The following MON1B variants were observed in gnomAD, a reference collection of about 807,000 sequenced individuals.
MON1B encodes the protein MON1 vesicular trafficking associated B.
Under a neutral mutation model 45.1 loss-of-function variants are expected in MON1B, and 26 were observed. The observed-to-expected ratio is 0.58, with a 90% CI of 0.42 to 0.80. The LOEUF (loss-of-function observed/expected upper bound fraction) is 0.80, where lower values mean the gene tolerates loss of function less well. Among genes scored for constraint, MON1B ranks in the 30% least tolerant of loss-of-function variants. The probability of loss-of-function intolerance (pLI) is 0.00; values close to 1 mark genes in which losing one functional copy is unlikely to be tolerated. For synonymous variants in MON1B, 395 were observed against 320.2 expected, an observed-to-expected ratio of 1.23 and a Z score of -2.49; for missense variants, 737 against 754.5, an observed-to-expected ratio of 0.98 and a Z score of 0.27.
At position 77,199,837 on chromosome 16, in the gene MON1B, A is replaced by C. The variant is rs1452023317; in HGVS notation, c.*1529A>C. 1 of 222,972 alleles carries C rather than the reference A, an allele frequency of 4.5e-6. No homozygotes were observed. Among genetic ancestry groups the C allele is most frequent in the Non-Finnish European group, 8.8e-6 (1 of 114,026 alleles). The allele number at this position is 222,972 out of a possible 1,614,324, so 13.8% of individuals were successfully genotyped here. A position where few individuals can be genotyped will look rare whatever the true frequency, so the allele number is the denominator to read the frequency against. On this transcript the variant is annotated 3_prime_UTR_variant, in exon 6 of 6. Transcript: ENST00000248248. Reference sequence around the variant, plus strand: ...TCATAACAATCACCGTGCTGCAGCCACCCCTTATTAACAGTAATTCCCAGT... The same window carrying C: ...TCATAACAATCACCGTGCTGCAGCCCCCCCTTATTAACAGTAATTCCCAGT...
At chr16:77,196,998 C>T (rs774336275) in intron 5 of MON1B, among the ~76,000 whole-genome samples, 2 of 152,190 alleles carry the variant, frequency 1.3e-5, no homozygotes, top group Non-Finnish European at 1.5e-5. Flanking sequence ...GCACATCTTA[C>T]TTGACTTTCT....
At chr16:77,195,729 T>A (rs756424459) in intron 5 of MON1B, 47 bp downstream of exon 5, 1 of 1,604,318 alleles carries the variant, frequency 6.2e-7, no homozygotes, top group African/African-American at 1.3e-5. Context: ...ACTTCAAGCC[T>A]CCTTTCCCTA....
At position 77,195,528 on chromosome 16, in the gene MON1B, A is replaced by G. The variant is rs767214918; in HGVS notation, c.1296-7A>G. The G allele has an allele frequency of 1.2e-6, 2 of 1,609,846 alleles. No individual in the cohort carries two copies. Among genetic ancestry groups the G allele is most frequent in the Non-Finnish European group, 8.5e-7 (1 of 1,177,448 alleles). Reference sequence around the variant, plus strand: ...ACCTTGTCCTCCACCTCCCTCCATCATGGCAGCCCTGAGCTAGAGGCCCCC... The same window carrying G: ...ACCTTGTCCTCCACCTCCCTCCATCGTGGCAGCCCTGAGCTAGAGGCCCCC... On this transcript the variant is annotated splice_polypyrimidine_tract_variant and splice_region_variant and intron_variant, in intron 4 of 5. Transcript: ENST00000248248.
At position 77,194,899 on chromosome 16, in the gene MON1B, C is replaced by T; in HGVS notation, c.1040C>T (p.Pro347Leu). 6.2e-7 allele frequency: 1 copy of T among 1,613,266 alleles called. No individual in the cohort carries two copies. Among genetic ancestry groups the T allele is most frequent in the Non-Finnish European group, 8.5e-7 (1 of 1,180,032 alleles). ...TACGTGGCCCGCCTGGATGCTATGC[C>T]TGTCTGCCTGCTGCTGCTTGGCACC... Reference protein sequence around the residue: ...YAYVARLDAMPVCLLLLGTQR... With the variant: ...YAYVARLDAMLVCLLLLGTQR... Residue 347 changes from proline (P) to leucine (L), a missense_variant, in exon 4 of 6, where the codon CCT becomes CTT. Transcript: ENST00000248248. The surrounding 1 kb of genome is among the most constrained non-coding windows in gnomAD (Gnocchi z 8.1).
chr16:77,193,366 G>A lies in MON1B; in HGVS notation c.149-85G>A, dbSNP rs1269941910. On this transcript the variant is annotated intron_variant, in intron 2 of 5. Coordinates refer to ENST00000248248, the MANE Select transcript of MON1B (RefSeq NM_014940.4). This position sits in a 1 kb window ranked among gnomAD's most constrained non-coding sequence, Gnocchi z 5.0. ...GTCAGCATGCAGGGGTCATGGAGGG[G>A]CTAGTAGATATTTGGTGGGTCCTTG... 5 of 1,326,576 alleles carry A rather than the reference G, an allele frequency of 3.8e-6. No homozygotes were observed. The highest frequency in any genetic ancestry group is 2.3e-5 in the East Asian group (1 of 42,694). The allele number at this position is 1,326,576 out of a possible 1,614,324, so 82.2% of individuals were successfully genotyped here. A position where few individuals can be genotyped will look rare whatever the true frequency, so the allele number is the denominator to read the frequency against.
rs757905512 is a variant in MON1B at position 77,194,812 on chromosome 16, C to T, written c.953C>T (p.Ala318Val). Residue 318 changes from alanine to valine, a missense_variant, in exon 4 of 6, where the codon GCG becomes GTG. Coordinates refer to ENST00000248248, the MANE Select transcript of MON1B (RefSeq NM_014940.4). This position sits in a 1 kb window ranked among gnomAD's most constrained non-coding sequence, Gnocchi z 8.1. Reference sequence around the variant, plus strand: ...TGGGTGGGTGCACCAGCCTTTGCGGCGGGTGAGGCTTGGGCACCTGTGTGC... The same window carrying T: ...TGGGTGGGTGCACCAGCCTTTGCGGTGGGTGAGGCTTGGGCACCTGTGTGC... The part of the protein sequence containing the change: ...LDWVGAPAFA[A>V]GEAWAPVCLP... 20 of 1,611,810 alleles carry T rather than the reference C, an allele frequency of 1.2e-5. No individual in the cohort carries two copies. Among genetic ancestry groups the T allele is most frequent in the African/African-American group, 1.1e-4 (8 of 74,942 alleles).
chr16:77,191,805 T>C (rs933392351), intron 2 of MON1B, among the ~76,000 whole-genome samples, 172 bp downstream of exon 2: 5 of 152,160 alleles, frequency 3.3e-5, no homozygotes, highest in African/African-American at 7.2e-5. Flanking sequence ...GTTTACATCA[T>C]TGAGGAAGTC....
Position 77,199,408 on chromosome 16 carries a change from A to G in MON1B, c.*1100A>G. The G allele has an allele frequency of 6.5e-7, 1 of 1,544,912 alleles. No individual in the cohort carries two copies. The highest frequency in any genetic ancestry group is 8.8e-7 in the Non-Finnish European group (1 of 1,142,526). On this transcript the variant is annotated 3_prime_UTR_variant, in exon 6 of 6. Coordinates refer to ENST00000248248, the MANE Select transcript of MON1B (RefSeq NM_014940.4). ...TCACCCTCACGTGGTTTCTTTTTTA[A>G]CCAGTCATCAAGCGAGGCTCGCGCG...
At chr16:77,196,386 G>T (rs1336971555) in intron 5 of MON1B, among the ~76,000 whole-genome samples, 1 of 152,160 alleles carries the variant, frequency 6.6e-6, no homozygotes, top group Non-Finnish European at 1.5e-5. Context: ...TTTATAAAGA[G>T]TTATAAAGGG....
chr16:77,194,076 C>A lies in MON1B; in HGVS notation c.476-259C>A, dbSNP rs969425895. On this transcript the variant is annotated intron_variant, in intron 3 of 5. Coordinates refer to ENST00000248248, the MANE Select transcript of MON1B (RefSeq NM_014940.4). The surrounding 1 kb of genome is among the most constrained non-coding windows in gnomAD (Gnocchi z 8.1). ...TGTGTCTTTCTGGCTCTGTGTCAGC[C>A]CTTGTACCATCTCTACCCGCCTGCC... 2 of 602,684 alleles carry A rather than the reference C, an allele frequency of 3.3e-6. No individual in the cohort carries two copies. The highest frequency in any genetic ancestry group is 5.9e-6 in the Non-Finnish European group (2 of 338,808). 37.3% of individuals were successfully genotyped at this position (602,684 alleles called of 1,614,324 possible). A position where few individuals can be genotyped will look rare whatever the true frequency, so the allele number is the denominator to read the frequency against.
chr16:77,194,784 G>A lies in MON1B; in HGVS notation c.925G>A (p.Asp309Asn), dbSNP rs2054648116. The A allele has an allele frequency of 2.5e-6, 4 of 1,613,698 alleles. No homozygotes were observed. The highest frequency in any genetic ancestry group is 1.1e-5 in the South Asian group (1 of 91,074). ...CCCAGCTGACCTGCAGTTGCTGCTCGACTGGGTGGGTGCACCAGCCTTTGC... is the reference window on the plus strand; with the variant it reads ...CCCAGCTGACCTGCAGTTGCTGCTCAACTGGGTGGGTGCACCAGCCTTTGC... ...LDPADLQLLL[D>N]WVGAPAFAAG... The change falls in exon 4 of 6, where the codon GAC becomes AAC. Residue 309 changes from aspartate (D) to asparagine (N), a missense_variant. Coordinates refer to ENST00000248248, the MANE Select transcript of MON1B (RefSeq NM_014940.4). This position sits in a 1 kb window ranked among gnomAD's most constrained non-coding sequence, Gnocchi z 8.1.
rs2054655260 is a variant in MON1B, at chr16:77,195,402, C to G, written c.1296-133C>G. The G allele has an allele frequency of 2.4e-6, 3 of 1,243,014 alleles. No homozygotes were observed. The South Asian group carries it at 4.8e-5, about 20-fold the overall frequency. The allele number at this position is 1,243,014 out of a possible 1,614,324, so 77.0% of individuals were successfully genotyped here. A position where few individuals can be genotyped will look rare whatever the true frequency, so the allele number is the denominator to read the frequency against. On this transcript the variant is annotated intron_variant, in intron 4 of 5. Transcript: ENST00000248248. ...ATGAGGGAAGGTCAGCCTCCAACCC[C>G]TGAGAATCCTCAAGTCTCATGGGAG... is the stretch of plus-strand genomic sequence containing the variant.
In MON1B at chr16:77,198,002, A is replaced by T. The variant is rs144814214; in HGVS notation, c.1444-106A>T. The T allele has an allele frequency of 2.7e-4, 307 of 1,117,668 alleles. No individual in the cohort carries two copies. The African/African-American group carries it at 3.6e-3, about 13-fold the overall frequency. 69.2% of individuals were successfully genotyped at this position (1,117,668 alleles called of 1,614,324 possible). ...CACCTGGTAGGAGGTGCTGCCAGGTACATGTTCCAGGTTGCAGGAGGCAGA... is the reference window on the plus strand; with the variant it reads ...CACCTGGTAGGAGGTGCTGCCAGGTTCATGTTCCAGGTTGCAGGAGGCAGA... On this transcript the variant is annotated intron_variant, in intron 5 of 5. Transcript: ENST00000248248.
rs1473728486 is a variant in MON1B at position 77,194,550 on chromosome 16, C to T, written c.691C>T (p.Arg231Ter). Residue 231 changes from arginine (R) to a stop codon, truncating the protein, a stop_gained, in exon 4 of 6, where the codon CGA becomes TGA. Coordinates refer to ENST00000248248, the MANE Select transcript of MON1B (RefSeq NM_014940.4). LOFTEE classifies it high-confidence loss of function. The surrounding 1 kb of genome is among the most constrained non-coding windows in gnomAD (Gnocchi z 8.1). ...LLAGSERTLD[R>*]LLDSMEQDPG... ...GGCTGGTTCAGAGCGCACACTGGAC[C>T]GACTTCTGGACAGTATGGAGCAGGA... 7 of 1,613,886 alleles carry T rather than the reference C, an allele frequency of 4.3e-6. No individual in the cohort carries two copies. Among genetic ancestry groups the T allele is most frequent in the Admixed American group, 1.7e-5 (1 of 60,006 alleles).
rs958858422 is a variant in MON1B, at chr16:77,199,531, C to A, written c.*1223C>A. 2.5e-5 allele frequency: 38 copies of A among 1,541,602 alleles called. No homozygotes were observed. The highest frequency in any genetic ancestry group is 3.3e-5 in the Non-Finnish European group (37 of 1,138,290). On this transcript the variant is annotated 3_prime_UTR_variant, in exon 6 of 6. Coordinates refer to ENST00000248248, the MANE Select transcript of MON1B (RefSeq NM_014940.4). ...GCTGAAGGTAGTGAGGGCAAGTGGG[C>A]TGCACTCCTTTCTCTCCAACCAGGG...
At position 77,200,291 on chromosome 16, in the gene MON1B, T is replaced by TATATACATATATATATATATATAC; in HGVS notation, c.*1984_*1985insTATACATATATATATATATATACA. 3 of 111,430 alleles carry TATATACATATATATATATATATAC rather than the reference T, an allele frequency of 2.7e-5. No homozygotes were observed. Among genetic ancestry groups the TATATACATATATATATATATATAC allele is most frequent in the Admixed American group, 8.7e-5 (1 of 11,438 alleles). 6.9% of individuals were successfully genotyped at this position (111,430 alleles called of 1,614,324 possible). A position where few individuals can be genotyped will look rare whatever the true frequency, so the allele number is the denominator to read the frequency against. ...ATATATGTGTATATATATATATATATACACACACTAATCAGCCGGGCGCGG... is the reference window on the plus strand; with the variant it reads ...ATATATGTGTATATATATATATATATATATACATATATATATATATATACACACACACTAATCAGCCGGGCGCGG... On this transcript the variant is annotated 3_prime_UTR_variant, in exon 6 of 6. Coordinates refer to ENST00000248248, the MANE Select transcript of MON1B (RefSeq NM_014940.4).
Position 77,201,582 on chromosome 16 carries a change from C to G in MON1B, c.*3274C>G, listed in dbSNP as rs1163281310. On this transcript the variant is annotated 3_prime_UTR_variant, in exon 6 of 6. Transcript: ENST00000248248. ...TATTTTTAGCATCTAAAATGCTCTTCCACTTCGGCAGTGACCATGCGATGT... is the reference window on the plus strand; with the variant it reads ...TATTTTTAGCATCTAAAATGCTCTTGCACTTCGGCAGTGACCATGCGATGT... 6.6e-6 allele frequency: 1 copy of G among 152,130 alleles called. No homozygotes were observed. Among genetic ancestry groups the G allele is most frequent in the Non-Finnish European group, 1.5e-5 (1 of 68,024 alleles). The allele number at this position is 152,130 out of a possible 1,614,324, so 9.4% of individuals were successfully genotyped here.
chr16:77,198,191 G>C lies in MON1B; in HGVS notation c.1527G>C (p.Leu509=). The part of the protein sequence containing the change: ...AGAILVVTKL[L]RWVKKEEDRL... ...CAATCTTGGTAGTGACCAAACTCCT[G>C]CGCTGGGTGAAGAAAGAGGAGGACC... Residue 509 remains leucine, a synonymous_variant, in exon 6 of 6, where the codon CTG becomes CTC. Coordinates refer to ENST00000248248, the MANE Select transcript of MON1B (RefSeq NM_014940.4). The C allele has an allele frequency of 6.2e-7, 1 of 1,614,122 alleles. No homozygotes were observed. Among genetic ancestry groups the C allele is most frequent in the South Asian group, 1.1e-5 (1 of 91,086 alleles).
rs1324997033 is a variant in MON1B at position 77,198,966 on chromosome 16, T to C, written c.*658T>C. On this transcript the variant is annotated 3_prime_UTR_variant, in exon 6 of 6. Coordinates refer to ENST00000248248, the MANE Select transcript of MON1B (RefSeq NM_014940.4). ...TGCACACAGTGGCTGAAATCCAGCA[T>C]TTTTACATAGGAGATGCACTTAGCC... 1.3e-5 allele frequency: 2 copies of C among 159,600 alleles called. No individual in the cohort carries two copies. The highest frequency in any genetic ancestry group is 2.4e-5 in the African/African-American group (1 of 41,550). 9.9% of individuals were successfully genotyped at this position (159,600 alleles called of 1,614,324 possible). A position where few individuals can be genotyped will look rare whatever the true frequency, so the allele number is the denominator to read the frequency against.
Sources: gnomAD v4.1 joint callset for allele counts (sites outside exome capture counted in the v4.1 genomes callset) on GRCh38, gnomAD v4.1.1 for gene constraint, Gnocchi (gnomAD v3.1) non-coding constraint, MANE v1.5 for transcripts, NCBI Gene and HGNC (gene_info 2026-07-23, HGNC 2026-07-21) for gene names.